Variants in PSMA8 observed in about 807,000 individuals in gnomAD.
The protein encoded by PSMA8 is proteasome 20S subunit alpha 8.
Under a neutral mutation model 32.4 loss-of-function variants are expected in PSMA8, and 18 were observed. That is an observed-to-expected ratio of 0.56 (90% CI 0.38 to 0.82). The LOEUF (loss-of-function observed/expected upper bound fraction) is 0.82. Ranked by LOEUF, PSMA8 falls within the 40% of genes least tolerant of loss-of-function variation. The pLI is 0.00. For missense variants in PSMA8, 298 were observed against 300.7 expected (o/e 0.99, Z 0.07); for synonymous variants, 104 against 98.1 (o/e 1.06, Z -0.36).
intron 2 of PSMA8, among the ~76,000 whole-genome samples, chr18:26,151,275 A>T (rs747044493): frequency 5.3e-5 from 8 of 152,220 alleles, no homozygotes; most frequent in Non-Finnish European, 1.2e-4. Flanking sequence ...AAAGAAACAA[A>T]GTGGACATGG....
At chr18:26,166,573 A>T (rs551633164) in intron 4 of PSMA8, among the ~76,000 whole-genome samples, 1 of 152,354 alleles carries the variant, frequency 6.6e-6, no homozygotes, top group East Asian at 1.9e-4. Flanking sequence ...ATGAAATGGA[A>T]GTACTCATAA....
chr18:26,191,057 G>A (rs1431664566), intron 6 of PSMA8, among the ~76,000 whole-genome samples: 1 of 152,168 alleles, frequency 6.6e-6, no homozygotes, highest in Non-Finnish European at 1.5e-5. Context: ...GAAATGGAAA[G>A]AGTTCTGGAG....
chr18:26,165,605 A>C (rs1425154044), intron 4 of PSMA8, among the ~76,000 whole-genome samples: 3 of 152,142 alleles, frequency 2.0e-5, no homozygotes, highest in African/African-American at 7.2e-5. Flanking sequence ...ATAGGATTCC[A>C]TCATTCAACA....
At position 26,133,894 on chromosome 18, in the gene PSMA8, T is replaced by TGGC; in HGVS notation, c.-65_-63dup. ...GCTTCCGGGCGGTAGCACGCTGTGTTGGCGGCGGCTCCCCGCTTGCCTCAG... is the reference window on the plus strand; with the variant it reads ...GCTTCCGGGCGGTAGCACGCTGTGTTGGCGGCGGCGGCTCCCCGCTTGCCTCAG... On this transcript the variant is annotated 5_prime_UTR_variant, in exon 1 of 7. Transcript: ENST00000415576. The TGGC allele has an allele frequency of 7.5e-7, 1 of 1,327,478 alleles. No homozygotes were observed. Among genetic ancestry groups the TGGC allele is most frequent in the South Asian group, 1.2e-5 (1 of 83,122 alleles). The allele number at this position is 1,327,478 out of a possible 1,614,324, so 82.2% of individuals were successfully genotyped here. A position where few individuals can be genotyped will look rare whatever the true frequency, so the allele number is the denominator to read the frequency against.
intron 4 of PSMA8, among the ~76,000 whole-genome samples, chr18:26,158,712 T>C (rs2055110871): frequency 6.6e-6 from 1 of 152,216 alleles, no homozygotes; most frequent in Admixed American, 6.5e-5. Flanking sequence ...CTCTACATAA[T>C]TCCTAGCATA....
At chr18:26,190,594 CAA>C (rs1006045934) in intron 6 of PSMA8, among the ~76,000 whole-genome samples, 75 of 152,162 alleles carry the variant, frequency 4.9e-4, no homozygotes, top group African/African-American at 1.7e-3. Flanking sequence ...ACAAAAAATA[CAA>C]AAGTTAGCTG....
At chr18:26,153,793 A>G (rs1357814829) in intron 3 of PSMA8, among the ~76,000 whole-genome samples, 2 of 152,212 alleles carry the variant, frequency 1.3e-5, no homozygotes, top group Non-Finnish European at 2.9e-5. Flanking sequence ...AATGAGCATC[A>G]CAATAATATG....
chr18:26,169,464 G>C (rs1346503058), intron 4 of PSMA8, among the ~76,000 whole-genome samples: 2 of 130,708 alleles, frequency 1.5e-5, no homozygotes, highest in Non-Finnish European at 3.0e-5. Context: ...CTTATAATTG[G>C]TTTTCCTGCT....
At chr18:26,177,253 A>G (rs1159284936) in intron 4 of PSMA8, among the ~76,000 whole-genome samples, 1 of 152,166 alleles carries the variant, frequency 6.6e-6, no homozygotes, top group African/African-American at 2.4e-5. Context: ...TTTGGTTGTC[A>G]CAACTGGGGT....
intron 1 of PSMA8, among the ~76,000 whole-genome samples, chr18:26,141,674 G>T (rs557446235): frequency 6.8e-6 from 1 of 147,348 alleles, no homozygotes; most frequent in Non-Finnish European, 1.5e-5. Flanking sequence ...GAACAAAAGC[G>T]TAGTTCTTTT....
intron 6 of PSMA8, among the ~76,000 whole-genome samples, chr18:26,190,603 G>A (rs2055394451): frequency 6.6e-6 from 1 of 152,046 alleles, no homozygotes; most frequent in African/African-American, 2.4e-5. Context: ...ACAAAAGTTA[G>A]CTGGGCATGG....
intron 6 of PSMA8, among the ~76,000 whole-genome samples, chr18:26,190,102 A>G (rs28763295): frequency 4.9e-4 from 75 of 152,268 alleles, no homozygotes; most frequent in African/African-American, 1.7e-3. Flanking sequence ...AAACAATTGA[A>G]CTCATGGAGA....
intron 1 of PSMA8, among the ~76,000 whole-genome samples, chr18:26,142,966 A>T (rs2054970981): frequency 6.6e-6 from 1 of 152,220 alleles, no homozygotes; most frequent in Non-Finnish European, 1.5e-5. Context: ...CCAAATTGTG[A>T]AATACATGGG....
At chr18:26,187,790 A>G (rs1009179280) in intron 6 of PSMA8, among the ~76,000 whole-genome samples, 3 of 152,276 alleles carry the variant, frequency 2.0e-5, no homozygotes, top group African/African-American at 7.2e-5. Context: ...TAAAGTAAAC[A>G]TTATTAGAGC....
At chr18:26,191,220 G>A (rs1260923900) in intron 6 of PSMA8, among the ~76,000 whole-genome samples, 2 of 152,062 alleles carry the variant, frequency 1.3e-5, no homozygotes, top group Non-Finnish European at 2.9e-5. Flanking sequence ...TTGAAAATTT[G>A]CCTTTCCATA....
At chr18:26,150,630 A>G (rs1443881784) in intron 2 of PSMA8, among the ~76,000 whole-genome samples, 1 of 152,204 alleles carries the variant, frequency 6.6e-6, no homozygotes, top group Non-Finnish European at 1.5e-5. Flanking sequence ...TTAAAATAGA[A>G]TTTGTTCTCT....
intron 4 of PSMA8, among the ~76,000 whole-genome samples, chr18:26,178,378 G>A (rs1273732617): frequency 7.2e-5 from 11 of 152,174 alleles, no homozygotes; most frequent in Non-Finnish European, 1.6e-4. Context: ...GAGAGGCTGA[G>A]ACAGGAGGCT....
chr18:26,167,488 A>G (rs1434559593), intron 4 of PSMA8, among the ~76,000 whole-genome samples: 4 of 152,216 alleles, frequency 2.6e-5, no homozygotes, highest in Non-Finnish European at 5.9e-5. Flanking sequence ...AACATGTGTT[A>G]TAGATGGAAT....
At chr18:26,185,919 T>A (rs1056717559) in intron 6 of PSMA8, among the ~76,000 whole-genome samples, 1 of 150,362 alleles carries the variant, frequency 6.7e-6, no homozygotes, top group African/African-American at 2.5e-5. Context: ...TAAATCTTTG[T>A]GTGGGATACA....
Sources: allele counts gnomAD v4.1 joint callset (sites outside exome capture counted in the v4.1 genomes callset), GRCh38; gene constraint gnomAD v4.1.1; transcripts MANE v1.5; gene names NCBI Gene and HGNC (gene_info 2026-07-23, HGNC 2026-07-21).